The following PPARGC1A variants were observed in gnomAD, a reference collection of about 807,000 sequenced individuals.
PPARGC1A encodes PPARG coactivator 1 alpha.
A neutral mutation model predicts 88.7 loss-of-function variants in PPARGC1A; 25 were observed. The ratio of observed to expected loss-of-function variants is 0.28; its 90% confidence interval spans 0.21 to 0.39. The LOEUF is 0.39. PPARGC1A is among the 10% of genes least tolerant of loss of function. The probability of loss-of-function intolerance (pLI) is 1.00; values close to 1 mark genes in which losing one functional copy is unlikely to be tolerated. For synonymous variants in PPARGC1A, 363 were observed against 355.6 expected, an observed-to-expected ratio of 1.02 and a Z score of -0.24; for missense variants, 880 against 968.7, an observed-to-expected ratio of 0.91 and a Z score of 1.22.
chr4:24,029,537 C>A, the PPARGC1A span, among the ~76,000 whole-genome samples: 1 of 152,158 alleles, frequency 6.6e-6, no homozygotes, highest in African/African-American at 2.4e-5. Flanking sequence ...CATCTCGGAG[C>A]CTTGATTTCC....
At chr4:23,854,772 G>A (rs1487141671) in intron 2 of PPARGC1A, among the ~76,000 whole-genome samples, 1 of 151,864 alleles carries the variant, frequency 6.6e-6, no homozygotes, top group East Asian at 1.9e-4. Flanking sequence ...TATCTAATAC[G>A]ATGCTTGGAA....
chr4:24,314,312 G>A, the PPARGC1A span, among the ~76,000 whole-genome samples: 1 of 152,174 alleles, frequency 6.6e-6, no homozygotes, highest in African/African-American at 2.4e-5. Flanking sequence ...TTGAGAAGTG[G>A]AACCTTTTGG....
chr4:23,886,498 T>G (rs1560515510), intron 1 of PPARGC1A, among the ~76,000 whole-genome samples: 1 of 152,004 alleles, frequency 6.6e-6, no homozygotes, highest in Non-Finnish European at 1.5e-5. Context: ...CCCAGTGAGA[T>G]CCCTGGCAGC....
chr4:24,049,279 CATATATATGTGTGTAT>C, the PPARGC1A span, among the ~76,000 whole-genome samples: 10 of 113,660 alleles, frequency 8.8e-5, no homozygotes, highest in African/African-American at 2.8e-4. Flanking sequence ...TATATATACA[CATATATATGTGTGTAT>C]ATATATATGT....
the PPARGC1A span, among the ~76,000 whole-genome samples, chr4:24,394,748 A>G: frequency 6.6e-6 from 1 of 152,214 alleles, no homozygotes; most frequent in African/African-American, 2.4e-5. Flanking sequence ...ATGCACCATT[A>G]TTTTATATGC....
At chr4:24,138,135 A>G in the PPARGC1A span, among the ~76,000 whole-genome samples, 12 of 152,290 alleles carry the variant, frequency 7.9e-5, no homozygotes, top group East Asian at 2.3e-3. Context: ...TAAACCAGCT[A>G]CAAGATGTCT....
At chr4:24,093,816 C>G in the PPARGC1A span, among the ~76,000 whole-genome samples, 2 of 152,292 alleles carry the variant, frequency 1.3e-5, no homozygotes, top group African/African-American at 2.4e-5. Context: ...TTTTCTAACT[C>G]TGTGTCCCTG....
the PPARGC1A span, among the ~76,000 whole-genome samples, chr4:23,924,312 C>T: frequency 2.0e-5 from 3 of 152,178 alleles, no homozygotes; most frequent in Non-Finnish European, 2.9e-5. Context: ...AGGAACGGAA[C>T]AATTAGTGTT....
the PPARGC1A span, among the ~76,000 whole-genome samples, chr4:23,968,301 G>C: frequency 6.6e-6 from 1 of 152,202 alleles, no homozygotes; most frequent in Admixed American, 6.5e-5. Flanking sequence ...CTTCATAAAT[G>C]CAAAGGGCTT....
chr4:23,798,589 A>AT (rs1233748985), intron 12 of PPARGC1A, among the ~76,000 whole-genome samples: 1 of 152,136 alleles, frequency 6.6e-6, no homozygotes, highest in Non-Finnish European at 1.5e-5. Context: ...TGTGTCATTT[A>AT]TTTTTTTAAA....
At chr4:23,979,088 T>A in the PPARGC1A span, among the ~76,000 whole-genome samples, 1 of 152,190 alleles carries the variant, frequency 6.6e-6, no homozygotes, top group Non-Finnish European at 1.5e-5. Context: ...ATTCAAAGGA[T>A]AATTTCATGT....
chr4:23,992,037 TC>T, the PPARGC1A span, among the ~76,000 whole-genome samples: 1 of 152,096 alleles, frequency 6.6e-6, no homozygotes, highest in Non-Finnish European at 1.5e-5. Context: ...ACTTTGGGGT[TC>T]TTTTTTTTTA....
upstream of PPARGC1A, among the ~76,000 whole-genome samples, chr4:23,907,946 G>T (rs1279027833): frequency 1.3e-5 from 2 of 152,142 alleles, no homozygotes; most frequent in Non-Finnish European, 2.9e-5. Context: ...GGAGAAGGAA[G>T]AAAGAAGAAA....
chr4:24,029,399 C>G, the PPARGC1A span, among the ~76,000 whole-genome samples: 2,011 of 152,264 alleles, frequency 0.013, 54 homozygotes, highest in African/African-American at 0.047. Flanking sequence ...TTAACCTTTC[C>G]CAGGTCCGTT....
chr4:24,075,229 G>A, the PPARGC1A span, among the ~76,000 whole-genome samples: 4 of 152,158 alleles, frequency 2.6e-5, no homozygotes, highest in Non-Finnish European at 4.4e-5. Context: ...GTTGCCACAT[G>A]GGTTTCAAAT....
chr4:24,072,395 G>T, the PPARGC1A span, among the ~76,000 whole-genome samples: 1 of 151,744 alleles, frequency 6.6e-6, no homozygotes, highest in Admixed American at 6.6e-5. Flanking sequence ...GGGGAATTAT[G>T]AGAGAAACAG....
At chr4:24,291,933 CA>C in the PPARGC1A span, among the ~76,000 whole-genome samples, 2 of 152,186 alleles carry the variant, frequency 1.3e-5, no homozygotes, top group Non-Finnish European at 2.9e-5. Context: ...GGGAGAAAAT[CA>C]GGACACCCAC....
the PPARGC1A span, among the ~76,000 whole-genome samples, chr4:24,405,827 T>G: frequency 6.6e-6 from 1 of 152,160 alleles, no homozygotes; most frequent in Non-Finnish European, 1.5e-5. Flanking sequence ...TTATAAGGCT[T>G]CTACATGTTT....
the PPARGC1A span, among the ~76,000 whole-genome samples, chr4:24,104,182 A>G: frequency 6.6e-6 from 1 of 152,230 alleles, no homozygotes; most frequent in East Asian, 1.9e-4. Context: ...ATGTTTAAGC[A>G]GCAAAAGCTC....
Sources: gnomAD v4.1 joint callset for allele counts (sites outside exome capture counted in the v4.1 genomes callset) on GRCh38, gnomAD v4.1.1 for gene constraint, MANE v1.5 for transcripts, NCBI Gene and HGNC (gene_info 2026-07-23, HGNC 2026-07-21) for gene names.